The following BPTF variants were observed in gnomAD, a reference collection of about 807,000 sequenced individuals.
BPTF encodes bromodomain PHD finger transcription factor, also known as nucleosome-remodeling factor subunit BPTF.
In BPTF, 18 loss-of-function variants were observed where a neutral mutation model predicts 292.5. That is an observed-to-expected ratio of 0.06 (90% CI 0.04 to 0.09). The LOEUF (loss-of-function observed/expected upper bound fraction) is 0.09. Among genes scored for constraint, BPTF ranks in the 10% least tolerant of loss-of-function variants. The pLI is 1.00. For missense variants in BPTF, 2,726 were observed against 3,498.7 expected, an observed-to-expected ratio of 0.78 and a Z score of 5.57; for synonymous variants, 1,225 against 1,251.9, an observed-to-expected ratio of 0.98 and a Z score of 0.45.
intron 3 of BPTF, among the ~76,000 whole-genome samples, chr17:67,867,044 T>G (rs1057250352): frequency 6.6e-6 from 1 of 152,266 alleles, no homozygotes; most frequent in Non-Finnish European, 1.5e-5. Flanking sequence ...TATAATCTTA[T>G]GTGATCACCA....
At chr17:67,833,058 A>C (rs1490023964) in intron 1 of BPTF, among the ~76,000 whole-genome samples, 2 of 151,286 alleles carry the variant, frequency 1.3e-5, no homozygotes, top group Admixed American at 6.6e-5. Context: ...CAGCCTCCCA[A>C]AGTGCTGGGA....
Position 67,893,483 on chromosome 17 carries a change from C to T in BPTF, c.2169C>T (p.Arg723=), listed in dbSNP as rs763441304. Residue 723 remains arginine (R), a synonymous_variant, in exon 6 of 28, where the codon CGC becomes CGT. Transcript: ENST00000306378. Reference sequence around the variant, plus strand: ...AATTGGGTCAAGAAGGGAAGTATCGCGTCTACCACAATCAATACTCCACCA... The same window carrying T: ...AATTGGGTCAAGAAGGGAAGTATCGTGTCTACCACAATCAATACTCCACCA... The part of the protein sequence containing the change: ...YFKLGQEGKY[R]VYHNQYSTNS... The T allele has an allele frequency of 4.4e-5, 71 of 1,613,826 alleles. No individual in the cohort carries two copies. Among genetic ancestry groups the T allele is most frequent in the African/African-American group, 1.1e-4 (8 of 74,882 alleles).
chr17:67,922,798 A>G (rs2063547223), intron 13 of BPTF, 42 bp from the exon 14 acceptor site: 5 of 1,557,642 alleles, frequency 3.2e-6, no homozygotes, highest in African/African-American at 1.4e-5. Flanking sequence ...CTTTAATTTT[A>G]GAAGCAATAT....
In BPTF at chr17:67,874,843, A is replaced by C; in HGVS notation, c.1687A>C (p.Lys563Gln). ...AGAAATTTTGGAATCCATAAGAGCC[A>C]AAAAGGGAGACATTGATAATGTTAA... The part of the protein sequence containing the change: ...NEEILESIRA[K>Q]KGDIDNVKSP... Residue 563 changes from lysine to glutamine, a missense_variant, in exon 4 of 28, where the codon AAA becomes CAA. Lys to Gln is a moderately conservative substitution (Grantham distance 53, BLOSUM62 1). Around this residue, in one of 22 missense-constraint regions of BPTF, gnomAD observed 187 missense variants for 201.5 expected, o/e 0.93. Coordinates refer to ENST00000306378, the MANE Select transcript of BPTF (RefSeq NM_182641.4). 2 of 1,612,424 alleles carry C rather than the reference A, an allele frequency of 1.2e-6. No individual in the cohort carries two copies. Among genetic ancestry groups the C allele is most frequent in the Non-Finnish European group, 1.7e-6 (2 of 1,179,478 alleles).
At position 67,920,101 on chromosome 17, in the gene BPTF, A is replaced by C; in HGVS notation, c.5515A>C (p.Arg1839=). The C allele has an allele frequency of 6.2e-7, 1 of 1,612,438 alleles. No individual in the cohort carries two copies. The highest frequency in any genetic ancestry group is 8.5e-7 in the Non-Finnish European group (1 of 1,178,630). Residue 1839 remains arginine, a synonymous_variant, in exon 13 of 28, where the codon AGG becomes CGG. Coordinates refer to ENST00000306378, the MANE Select transcript of BPTF (RefSeq NM_182641.4). The part of the protein sequence containing the change: ...PYGIRSEYCI[R]KIICPIGVPE... ...TGGCATTCGATCTGAATATTGTATC[A>C]GGAAAATCATTTGTCCCATTGGAGT...
chr17:67,920,632 C>T (rs2063370301), intron 13 of BPTF, among the ~76,000 whole-genome samples: 2 of 152,220 alleles, frequency 1.3e-5, no homozygotes, highest in South Asian at 4.2e-4. Flanking sequence ...GTGGCAAATA[C>T]ATAGAAGAAT....
chr17:67,896,546 T>C (rs901653298), intron 7 of BPTF, among the ~76,000 whole-genome samples: 1 of 152,160 alleles, frequency 6.6e-6, no homozygotes, highest in African/African-American at 2.4e-5. Context: ...TCACTAAAAA[T>C]ACATCAGGAT....
chr17:67,906,654 T>A (rs1327176567), intron 9 of BPTF, among the ~76,000 whole-genome samples: 1 of 152,164 alleles, frequency 6.6e-6, no homozygotes, highest in Admixed American at 6.5e-5. Flanking sequence ...TTCTTTGCAC[T>A]CTCTTCTCTT....
chr17:67,959,276 C>T (rs1225649523), intron 23 of BPTF, among the ~76,000 whole-genome samples: 1 of 152,218 alleles, frequency 6.6e-6, no homozygotes, highest in African/African-American at 2.4e-5. Context: ...CTCTTCCTAG[C>T]CACTTGGCTC....
chr17:67,923,467 CTG>C (rs2063602125), intron 14 of BPTF, among the ~76,000 whole-genome samples: 2 of 130,840 alleles, frequency 1.5e-5, no homozygotes, highest in East Asian at 4.6e-4. Context: ...TCCTCTCTCT[CTG>C]TCTTTTTTTT....
At chr17:67,885,390 C>T (rs995914138) in intron 4 of BPTF, among the ~76,000 whole-genome samples, 4 of 152,164 alleles carry the variant, frequency 2.6e-5, no homozygotes, top group African/African-American at 9.6e-5. Flanking sequence ...TCGAGCCCAG[C>T]CTGGCCAACA....
chr17:67,948,339 G>T (rs2065965546), intron 23 of BPTF, 33 bp downstream of exon 23: 3 of 1,552,520 alleles, frequency 1.9e-6, no homozygotes, highest in Non-Finnish European at 2.6e-6. Flanking sequence ...TCTGTGTCCA[G>T]TGTTTAACAT....
intron 7 of BPTF, among the ~76,000 whole-genome samples, chr17:67,898,644 A>G (rs2061608618): frequency 6.6e-6 from 1 of 150,500 alleles, no homozygotes; most frequent in Non-Finnish European, 1.5e-5. Context: ...TCTTAGATAA[A>G]TACGAGTATA....
chr17:67,826,586 C>CT (rs1034645915), intron 1 of BPTF, among the ~76,000 whole-genome samples: 2 of 147,992 alleles, frequency 1.4e-5, no homozygotes, highest in Non-Finnish European at 3.0e-5. Flanking sequence ...TCTCTCCCCC[C>CT]CCCAACCCCC....
chr17:67,844,560 T>C (rs1178731915), intron 1 of BPTF, among the ~76,000 whole-genome samples: 3 of 115,432 alleles, frequency 2.6e-5, no homozygotes, highest in Non-Finnish European at 3.5e-5. Context: ...TTTTTTTTTC[T>C]TTTTTTTTTT....
At chr17:67,926,480 A>G (rs2147365686) in intron 15 of BPTF, among the ~76,000 whole-genome samples, 1 of 151,092 alleles carries the variant, frequency 6.6e-6, no homozygotes, top group South Asian at 2.1e-4. Flanking sequence ...GCCCGCCACC[A>G]CGCCTGGCTA....
intron 18 of BPTF, among the ~76,000 whole-genome samples, 190 bp downstream of exon 18, chr17:67,932,209 T>C (rs753320986): frequency 4.6e-5 from 7 of 152,212 alleles, no homozygotes; most frequent in Non-Finnish European, 8.8e-5. Flanking sequence ...GTAAAATAGG[T>C]TGAAGTATGC....
chr17:67,890,287 G>C (rs2061024765), intron 4 of BPTF, among the ~76,000 whole-genome samples: 1 of 152,150 alleles, frequency 6.6e-6, no homozygotes, highest in South Asian at 2.1e-4. Flanking sequence ...GATCTAGGGA[G>C]CCAAATGAGG....
intron 17 of BPTF, among the ~76,000 whole-genome samples, chr17:67,930,742 G>C (rs1568103562): frequency 6.6e-6 from 1 of 151,630 alleles, no homozygotes; most frequent in Non-Finnish European, 1.5e-5. Context: ...CCAGGAGTTC[G>C]AGAACCACCT....
Sources: allele counts gnomAD v4.1 joint callset (sites outside exome capture counted in the v4.1 genomes callset), GRCh38; gene constraint gnomAD v4.1.1; regional missense constraint gnomAD v4.1.1; transcripts MANE v1.5; gene names NCBI Gene and HGNC (gene_info 2026-07-23, HGNC 2026-07-21).